SOX5: variants seen among roughly 807,000 people sequenced by gnomAD.
The protein encoded by SOX5 is transcription factor SOX-5.
SOX5 carries 9 observed loss-of-function variants against 92.0 expected under a neutral mutation model. The observed-to-expected ratio is 0.10, with a 90% CI of 0.06 to 0.17. The LOEUF is 0.17. SOX5 is among the 10% of genes least tolerant of loss of function. The probability of loss-of-function intolerance (pLI) is 1.00; values close to 1 mark genes in which losing one functional copy is unlikely to be tolerated. For synonymous variants in SOX5, 344 were observed against 336.3 expected, an observed-to-expected ratio of 1.02 and a Z score of -0.25; for missense variants, 642 against 944.5, an observed-to-expected ratio of 0.68 and a Z score of 4.20.
chr12:24,153,880 C>A (rs1951903299), intron 4 of SOX5, among the ~76,000 whole-genome samples: 3 of 152,250 alleles, frequency 2.0e-5, no homozygotes, highest in Non-Finnish European at 4.4e-5. Context: ...CACACAATCA[C>A]GCACACAGAC....
At chr12:23,918,252 C>G (rs2097439449) in intron 1 of SOX5, among the ~76,000 whole-genome samples, 1 of 152,076 alleles carries the variant, frequency 6.6e-6, no homozygotes, top group South Asian at 2.1e-4. Context: ...TTTTTACTGT[C>G]TTTCATCTGG....
intron 4 of SOX5, among the ~76,000 whole-genome samples, chr12:23,964,190 G>A (rs1315767108): frequency 6.6e-6 from 1 of 151,730 alleles, no homozygotes; most frequent in Non-Finnish European, 1.5e-5. Context: ...TAAATATTGG[G>A]AAATTAAAAA....
chr12:24,050,084 CAAA>C (rs10687571), intron 4 of SOX5, among the ~76,000 whole-genome samples: 5 of 74,254 alleles, frequency 6.7e-5, no homozygotes, highest in African/African-American at 2.2e-4. Flanking sequence ...GGCGCAGAGG[CAAA>C]AAAAAAAAAA....
At chr12:24,555,400 T>G (rs1195799295) in intron 1 of SOX5, among the ~76,000 whole-genome samples, 2 of 152,356 alleles carry the variant, frequency 1.3e-5, no homozygotes, top group African/African-American at 4.8e-5. Context: ...AACCAAGCTA[T>G]TTTTAAATGA....
At chr12:23,683,984 G>A (rs946149162) in intron 6 of SOX5, among the ~76,000 whole-genome samples, 7 of 151,924 alleles carry the variant, frequency 4.6e-5, no homozygotes, top group African/African-American at 1.2e-4. Context: ...GACAGATGTC[G>A]AGAGACACAT....
chr12:24,175,068 C>G (rs778612273), intron 4 of SOX5, among the ~76,000 whole-genome samples: 2 of 152,072 alleles, frequency 1.3e-5, no homozygotes, highest in African/African-American at 4.8e-5. Flanking sequence ...CAGAGTTGTC[C>G]GAAAACTACA....
chr12:23,924,846 A>G (rs1462451588), intron 1 of SOX5, among the ~76,000 whole-genome samples: 1 of 152,126 alleles, frequency 6.6e-6, no homozygotes, highest in Non-Finnish European at 1.5e-5. Context: ...GGTTAAGCTC[A>G]TATGATTAAA....
At chr12:23,991,491 A>G (rs1950553032) in intron 4 of SOX5, among the ~76,000 whole-genome samples, 1 of 152,010 alleles carries the variant, frequency 6.6e-6, no homozygotes, top group African/African-American at 2.4e-5. Flanking sequence ...AGATTTTCCA[A>G]AAATGAATTA....
At chr12:23,917,739 T>C (rs1394307536) in intron 1 of SOX5, among the ~76,000 whole-genome samples, 1 of 152,152 alleles carries the variant, frequency 6.6e-6, no homozygotes, top group Non-Finnish European at 1.5e-5. Flanking sequence ...CTAGTCGACC[T>C]TTCTGGTTCC....
chr12:24,438,580 AG>A (rs1939913865), intron 1 of SOX5, among the ~76,000 whole-genome samples: 1 of 152,118 alleles, frequency 6.6e-6, no homozygotes, highest in South Asian at 2.1e-4. Flanking sequence ...GGTTCATGAG[AG>A]GGGGTAAAAA....
chr12:23,769,016 A>G (rs968906542), intron 3 of SOX5, among the ~76,000 whole-genome samples: 1 of 152,218 alleles, frequency 6.6e-6, no homozygotes, highest in Non-Finnish European at 1.5e-5. Context: ...TACATAATCT[A>G]ACAAGCTTTC....
intron 3 of SOX5, among the ~76,000 whole-genome samples, chr12:24,233,463 C>A (rs1209697905): frequency 6.6e-6 from 1 of 152,066 alleles, no homozygotes; most frequent in Non-Finnish European, 1.5e-5. Context: ...AACAGAGGCA[C>A]AATTACAGAA....
chr12:24,491,644 A>T (rs11610652), intron 1 of SOX5, among the ~76,000 whole-genome samples: 2,580 of 152,240 alleles, frequency 0.017, 28 homozygotes, highest in Middle Eastern at 0.034. Context: ...ACAAGGAGAT[A>T]AAAAAATGAG....
intron 7 of SOX5, among the ~76,000 whole-genome samples, chr12:23,661,451 C>T (rs1269374209): frequency 6.6e-6 from 1 of 152,104 alleles, no homozygotes; most frequent in African/African-American, 2.4e-5. Context: ...ACCTTATATC[C>T]ATCAACCACC....
intron 9 of SOX5, among the ~76,000 whole-genome samples, chr12:23,597,242 C>T (rs1478437792): frequency 3.9e-5 from 6 of 152,210 alleles, no homozygotes; most frequent in Non-Finnish European, 8.8e-5. Context: ...ATTCAAAGGA[C>T]ATTACCTAAA....
At chr12:23,782,359 T>C (rs2095297773) in intron 3 of SOX5, among the ~76,000 whole-genome samples, 4 of 152,060 alleles carry the variant, frequency 2.6e-5, no homozygotes, top group Admixed American at 6.5e-5. Flanking sequence ...AGATAATAAA[T>C]CTCAGGATCA....
intron 4 of SOX5, among the ~76,000 whole-genome samples, chr12:24,049,568 ATGT>A (rs1957351641): frequency 6.6e-6 from 1 of 151,210 alleles, no homozygotes; most frequent in Non-Finnish European, 1.5e-5. Context: ...GAAAAACATC[ATGT>A]TGTGGCAAAG....
chr12:23,666,796 G>A (rs536478795), intron 6 of SOX5, among the ~76,000 whole-genome samples: 109 of 152,184 alleles, frequency 7.2e-4, no homozygotes, highest in African/African-American at 2.5e-3. Flanking sequence ...TGATGGCGGT[G>A]AAAAAAGTAA....
At chr12:24,075,467 G>A (rs933469975) in intron 4 of SOX5, among the ~76,000 whole-genome samples, 9 of 151,894 alleles carry the variant, frequency 5.9e-5, no homozygotes, top group Non-Finnish European at 7.4e-5. Flanking sequence ...TACATTATCT[G>A]GACCGTAGGA....
Sources: gnomAD v4.1 joint callset for allele counts (sites outside exome capture counted in the v4.1 genomes callset) on GRCh38, gnomAD v4.1.1 for gene constraint, MANE v1.5 for transcripts, NCBI Gene and HGNC (gene_info 2026-07-23, HGNC 2026-07-21) for gene names.